ITPR2: variants seen among roughly 807,000 people sequenced by gnomAD.
The protein encoded by ITPR2 is inositol 1,4,5-trisphosphate receptor type 2.
In ITPR2, 207 loss-of-function variants were observed where a neutral mutation model predicts 317.1. That is an observed-to-expected ratio of 0.65 (90% CI 0.58 to 0.73). The LOEUF (loss-of-function observed/expected upper bound fraction) is 0.73, where lower values mean the gene tolerates loss of function less well. Ranked by LOEUF, ITPR2 falls within the 30% of genes least tolerant of loss-of-function variation. ITPR2 has a pLI of 0.00. For missense variants in ITPR2, 2,613 were observed against 3,284.0 expected, an observed-to-expected ratio of 0.80 and a Z score of 4.99; for synonymous variants, 1,156 against 1,149.1, an observed-to-expected ratio of 1.01 and a Z score of -0.12.
intron 26 of ITPR2, among the ~76,000 whole-genome samples, chr12:26,613,059 C>T (rs891916263): frequency 6.6e-6 from 1 of 152,064 alleles, no homozygotes; most frequent in African/African-American, 2.4e-5. Context: ...GAAGTGTGTT[C>T]GTTCGTTGAG....
At chr12:26,793,733 G>A (rs2137221707) in intron 1 of ITPR2, among the ~76,000 whole-genome samples, 1 of 152,196 alleles carries the variant, frequency 6.6e-6, no homozygotes, top group South Asian at 2.1e-4. Context: ...GCTATTTTTG[G>A]TAGTTAACAT....
chr12:26,768,353 A>G lies in ITPR2; in HGVS notation c.163+21804T>C, dbSNP rs1208456893. Among the ~76,000 whole-genome samples the G allele has an allele frequency of 5.3e-5, 8 of 151,172 alleles. No homozygotes were observed. The East Asian group carries it at 1.5e-3, about 29-fold the overall frequency. On this transcript the variant is annotated intron_variant, in intron 2 of 56. Transcript: ENST00000381340. ...TGGGTGCAGCGCACCAGCATGGCAC[A>G]TGTATACATATGTAACTAACCTGCA...
intron 37 of ITPR2, among the ~76,000 whole-genome samples, chr12:26,541,471 T>C (rs1422701581): frequency 6.6e-6 from 1 of 152,224 alleles, no homozygotes; most frequent in East Asian, 1.9e-4. Context: ...ACCTCTAAAA[T>C]GTATTTAATA....
Position 26,400,268 on chromosome 12 carries a change from C to T in ITPR2, c.7400-10G>A, listed in dbSNP as rs1255255321. 4 of 1,490,472 alleles carry T rather than the reference C, an allele frequency of 2.7e-6. No homozygotes were observed. The highest frequency in any genetic ancestry group is 3.6e-6 in the Non-Finnish European group (4 of 1,103,002). The allele number at this position is 1,490,472 out of a possible 1,614,324, so 92.3% of individuals were successfully genotyped here. ...TCATACTCTTCATCAGCTATAAAAA[C>T]ACATACAAATATATGATATAAAATT... On this transcript the variant is annotated splice_polypyrimidine_tract_variant and intron_variant, in intron 52 of 56. Transcript: ENST00000381340.
Position 26,556,317 on chromosome 12 carries a change from A to G in ITPR2, c.4880T>C (p.Val1627Ala). The change falls in exon 36 of 57, where the codon GTG (valine) becomes GCG (alanine). Residue 1627 changes from valine (V) to alanine (A), a missense_variant. Transcript: ENST00000381340. ...TGGACTGTACAATACATCAACCAAC[A>G]CTGAGAATTCAGCCTGCATCATTGG... ...FSPMMQAEFSVLVDVLYSPEL... is the reference protein window; with the variant it reads ...FSPMMQAEFSALVDVLYSPEL... The G allele has an allele frequency of 6.2e-7, 1 of 1,614,070 alleles. No individual in the cohort carries two copies. Among genetic ancestry groups the G allele is most frequent in the Non-Finnish European group, 8.5e-7 (1 of 1,179,958 alleles).
At chr12:26,447,230 G>A (rs1251595359) in intron 45 of ITPR2, among the ~76,000 whole-genome samples, 1 of 152,020 alleles carries the variant, frequency 6.6e-6, no homozygotes, top group Non-Finnish European at 1.5e-5. Flanking sequence ...CAACTCTTAA[G>A]CCTCAATGAA....
At chr12:26,758,178 T>TC (rs1219271884) in intron 2 of ITPR2, among the ~76,000 whole-genome samples, 1 of 152,024 alleles carries the variant, frequency 6.6e-6, no homozygotes, top group Non-Finnish European at 1.5e-5. Flanking sequence ...TCACTCTCCA[T>TC]CCCCCCATTT....
chr12:26,443,386 T>C (rs956852174), intron 46 of ITPR2, among the ~76,000 whole-genome samples, 157 bp downstream of exon 46: 1 of 152,176 alleles, frequency 6.6e-6, no homozygotes, highest in East Asian at 1.9e-4. Flanking sequence ...CAGTTTCCTA[T>C]AAATCACTCC....
At chr12:26,436,592 A>C (rs1941355569) in intron 47 of ITPR2, among the ~76,000 whole-genome samples, 2 of 152,192 alleles carry the variant, frequency 1.3e-5, no homozygotes, top group South Asian at 4.1e-4. Flanking sequence ...AGGGTGAGGA[A>C]TTTTGCAATT....
chr12:26,570,698 T>C (rs991035650), intron 34 of ITPR2, among the ~76,000 whole-genome samples: 16 of 152,228 alleles, frequency 1.1e-4, no homozygotes, highest in African/African-American at 3.9e-4. Context: ...ATGAAACACA[T>C]GGAACAAAAT....
intron 48 of ITPR2, among the ~76,000 whole-genome samples, chr12:26,434,204 G>C (rs2136715449): frequency 6.6e-6 from 1 of 152,000 alleles, no homozygotes; most frequent in South Asian, 2.1e-4. Flanking sequence ...ACATATTTTT[G>C]GACTCTAATT....
Position 26,373,291 on chromosome 12 carries a change from A to T in ITPR2, c.7857+14143T>A, listed in dbSNP as rs529098344. On this transcript the variant is annotated intron_variant, in intron 55 of 56. Transcript: ENST00000381340. ...GATAATGGAAGTCACTTGGATTCTCATTATGAATGAAGAATCCACATCTGT... is the reference window on the plus strand; with the variant it reads ...GATAATGGAAGTCACTTGGATTCTCTTTATGAATGAAGAATCCACATCTGT... Among the ~76,000 whole-genome samples, 8 of 152,372 alleles carry T rather than the reference A, an allele frequency of 5.3e-5. No individual in the cohort carries two copies. The South Asian group carries it at 1.4e-3, about 28-fold the overall frequency.
intron 1 of ITPR2, among the ~76,000 whole-genome samples, chr12:26,817,399 T>A (rs562557709): frequency 4.5e-4 from 69 of 152,284 alleles, no homozygotes; most frequent in Non-Finnish European, 7.5e-4. Flanking sequence ...GTGGTGACTA[T>A]CTTAATTCAT....
In ITPR2 at chr12:26,811,780, G is replaced by A. The variant is rs538202200; in HGVS notation, c.92+20910C>T. ...GAGGCAGGAGAATGGCGCGAACCCC[G>A]GAGGCGGAGCTTGCAGTGAGCCGAG... On this transcript the variant is annotated intron_variant, in intron 1 of 56. Coordinates refer to ENST00000381340, the MANE Select transcript of ITPR2 (RefSeq NM_002223.4). Among the ~76,000 whole-genome samples the A allele has an allele frequency of 4.4e-3, 665 of 150,228 alleles. 4 individuals carry two copies. Among genetic ancestry groups the A allele is most frequent in the Non-Finnish European group, 7.8e-3 (524 of 67,542 alleles).
Position 26,556,369 on chromosome 12 carries a change from C to T in ITPR2, c.4828G>A (p.Val1610Met). Residue 1610 changes from valine to methionine, a missense_variant, in exon 36 of 57, where the codon GTG becomes ATG. Val to Met is a conservative substitution (Grantham distance 21). Transcript: ENST00000381340. Reference protein sequence around the residue: ...RNIIEKLQDVVASLEHQFSPM... With the variant: ...RNIIEKLQDVMASLEHQFSPM... ...CTGAACTGGTGCTCCAAGGAGGCCA[C>T]TACATCCTAGGGAATGAAACACAAG... 2 of 1,612,222 alleles carry T rather than the reference C, an allele frequency of 1.2e-6. No homozygotes were observed. The highest frequency in any genetic ancestry group is 2.2e-5 in the South Asian group (2 of 90,582).
intron 1 of ITPR2, among the ~76,000 whole-genome samples, chr12:26,817,175 T>C (rs1250776676): frequency 9.9e-6 from 1 of 101,404 alleles, no homozygotes; most frequent in East Asian, 2.8e-4. Flanking sequence ...ACCGAGAGTC[T>C]CTTTCAAAAA....
chr12:26,557,959 C>T (rs967242828), intron 35 of ITPR2, among the ~76,000 whole-genome samples: 3 of 152,092 alleles, frequency 2.0e-5, no homozygotes, highest in African/African-American at 7.2e-5. Context: ...TATTGTCACT[C>T]TTAGCTACAG....
At chr12:26,380,790 C>T (rs1274997119) in intron 55 of ITPR2, among the ~76,000 whole-genome samples, 1 of 152,170 alleles carries the variant, frequency 6.6e-6, no homozygotes, top group Admixed American at 6.5e-5. Context: ...CATCTCCCCT[C>T]CAACAGTTAC....
chr12:26,746,870 T>C (rs914799636), intron 2 of ITPR2, among the ~76,000 whole-genome samples: 1 of 152,098 alleles, frequency 6.6e-6, no homozygotes, highest in African/African-American at 2.4e-5. Context: ...GGGAGTGTTA[T>C]TTTGTTTACT....
Sources: gnomAD v4.1 joint callset for allele counts (sites outside exome capture counted in the v4.1 genomes callset) on GRCh38, gnomAD v4.1.1 for gene constraint, MANE v1.5 for transcripts, NCBI Gene and HGNC (gene_info 2026-07-23, HGNC 2026-07-21) for gene names.